MLLT10: variants seen among roughly 807,000 people sequenced by gnomAD.
MLLT10 encodes MLLT10 histone lysine methyltransferase DOT1L cofactor.
A neutral mutation model predicts 129.1 loss-of-function variants in MLLT10; 30 were observed. That is an observed-to-expected ratio of 0.23 (90% CI 0.17 to 0.32). MLLT10 has a LOEUF of 0.32. Ranked by LOEUF, MLLT10 falls within the 10% of genes least tolerant of loss-of-function variation. MLLT10 has a pLI of 1.00. For synonymous variants in MLLT10, 490 were observed against 446.4 expected (o/e 1.10, Z -1.23); for missense variants, 1,119 against 1,268.3 (o/e 0.88, Z 1.79).
At chr10:21,689,065 G>A (rs1016478982) in intron 13 of MLLT10, among the ~76,000 whole-genome samples, 1 of 152,050 alleles carries the variant, frequency 6.6e-6, no homozygotes, top group African/African-American at 2.4e-5. Flanking sequence ...TTTTTAACAT[G>A]CTGATAAAGC....
chr10:21,717,005 C>G (rs2056613530), intron 14 of MLLT10, among the ~76,000 whole-genome samples: 1 of 151,828 alleles, frequency 6.6e-6, no homozygotes, highest in African/African-American at 2.4e-5. Context: ...ACCTGTAATC[C>G]CAGCACTTTG....
chr10:21,733,308 T>G (rs1292838146), intron 18 of MLLT10, among the ~76,000 whole-genome samples, 196 bp from the exon 19 acceptor site: 1 of 152,214 alleles, frequency 6.6e-6, no homozygotes, highest in Non-Finnish European at 1.5e-5. Flanking sequence ...TCTAATGATC[T>G]CGTTATTGAT....
rs934434232 is a variant in MLLT10, at chr10:21,534,317, C to G, written c.-204C>G. ...CTGGCCCAGCGGGAGCCCCCCCTCC[C>G]CCCAGTGCGCCTGTGCGGAGGCCCT... On this transcript the variant is annotated 5_prime_UTR_variant, in exon 1 of 23. Coordinates refer to ENST00000307729, the MANE Select transcript of MLLT10 (RefSeq NM_001195626.3). 2.5e-6 allele frequency: 1 copy of G among 394,976 alleles called. No homozygotes were observed. The highest frequency in any genetic ancestry group is 2.1e-5 in the African/African-American group (1 of 48,434). 24.5% of individuals were successfully genotyped at this position (394,976 alleles called of 1,614,324 possible).
intron 4 of MLLT10, among the ~76,000 whole-genome samples, 169 bp from the exon 5 acceptor site, chr10:21,595,162 G>C (rs1032704444): frequency 1.3e-5 from 2 of 152,034 alleles, no homozygotes; most frequent in Non-Finnish European, 2.9e-5. Flanking sequence ...TTTTTTGGTA[G>C]TGGTTTGAGT....
At chr10:21,557,254 A>G (rs1050843214) in intron 3 of MLLT10, 1 of 943,278 alleles carries the variant, frequency 1.1e-6, no homozygotes. Flanking sequence ...ATTATAAGTA[A>G]TAGTTTATGA....
chr10:21,660,665 G>A (rs2050094035), intron 9 of MLLT10, among the ~76,000 whole-genome samples: 1 of 147,880 alleles, frequency 6.8e-6, no homozygotes. Context: ...CCTGAGGTCA[G>A]GAGTTCAAGA....
At chr10:21,534,976 C>T (rs1342792940) in intron 2 of MLLT10, among the ~76,000 whole-genome samples, 172 bp downstream of exon 2, 2 of 149,422 alleles carry the variant, frequency 1.3e-5, no homozygotes, top group Admixed American at 6.7e-5. Context: ...GGAGAAAGTG[C>T]GTGTGGCCCG....
chr10:21,717,640 T>TCTCCTCCTCCTC (rs2056751009), intron 14 of MLLT10, among the ~76,000 whole-genome samples: 1 of 36,502 alleles, frequency 2.7e-5, no homozygotes, highest in Non-Finnish European at 5.3e-5. Context: ...TCCTCCTCCT[T>TCTCCTCCTCCTC]TTCCTCCTCC....
intron 3 of MLLT10, among the ~76,000 whole-genome samples, chr10:21,539,412 CTTTTTTT>C (rs370995933): frequency 1.7e-5 from 2 of 120,714 alleles, no homozygotes; most frequent in East Asian, 2.4e-4. Flanking sequence ...ACATAAAAAT[CTTTTTTT>C]TTTTTTTTTT....
At position 21,711,451 on chromosome 10, in the gene MLLT10, G is replaced by C. The variant is rs552016633; in HGVS notation, c.1700-2321G>C. On this transcript the variant is annotated intron_variant, in intron 13 of 22. Coordinates refer to ENST00000307729, the MANE Select transcript of MLLT10 (RefSeq NM_001195626.3). ...AAGAAACTAGCTTGAGGCTGGGCAT[G>C]GTGGCTCATGCGTGTGATGCCAGCA... 9.2e-5 allele frequency among the ~76,000 whole-genome samples: 14 copies of C among 151,966 alleles called. No individual in the cohort carries two copies. In the East Asian group the frequency reaches 2.5e-3, roughly 27 times the overall value.
At chr10:21,664,320 G>GTT (rs765181898) in intron 9 of MLLT10, among the ~76,000 whole-genome samples, 5 of 136,196 alleles carry the variant, frequency 3.7e-5, no homozygotes, top group Admixed American at 7.2e-5. Flanking sequence ...TTGTTTGTTT[G>GTT]TTTTTTTTTT....
Position 21,542,479 on chromosome 10 carries a change from A to C in MLLT10, c.240+3567A>C, listed in dbSNP as rs570714398. Among the ~76,000 whole-genome samples, 3 of 152,342 alleles carry C rather than the reference A, an allele frequency of 2.0e-5. No homozygotes were observed. The East Asian group carries it at 5.8e-4, about 29-fold the overall frequency. On this transcript the variant is annotated intron_variant, in intron 3 of 22. Coordinates refer to ENST00000307729, the MANE Select transcript of MLLT10 (RefSeq NM_001195626.3). The stretch of plus-strand genomic sequence containing the variant: ...CAGCTACTCGGGAGACTGAAGCAGG[A>C]GATCCGCCCGAACCCGGGAGGCAGA...
At chr10:21,734,948 T>C (rs986867757) in intron 20 of MLLT10, among the ~76,000 whole-genome samples, 191 bp from the exon 21 acceptor site, 1 of 152,242 alleles carries the variant, frequency 6.6e-6, no homozygotes, top group Non-Finnish European at 1.5e-5. Context: ...AATTCTTGTT[T>C]AGCTGTACAC....
At chr10:21,664,179 A>G (rs779623277) in intron 9 of MLLT10, among the ~76,000 whole-genome samples, 1 of 152,022 alleles carries the variant, frequency 6.6e-6, no homozygotes, top group Non-Finnish European at 1.5e-5. Context: ...TTGGATATTC[A>G]CTTTGTTACT....
chr10:21,647,061 T>G (rs778800189), intron 8 of MLLT10, among the ~76,000 whole-genome samples: 1 of 152,170 alleles, frequency 6.6e-6, no homozygotes, highest in Non-Finnish European at 1.5e-5. Context: ...TTTCACCGTC[T>G]TAGCCAGGAT....
At chr10:21,684,109 C>G (rs2053033755) in intron 13 of MLLT10, among the ~76,000 whole-genome samples, 1 of 152,118 alleles carries the variant, frequency 6.6e-6, no homozygotes. Flanking sequence ...CTCCTGGTCT[C>G]AAGTGATCCT....
chr10:21,565,945 CTTTT>C (rs1204388391), intron 3 of MLLT10, among the ~76,000 whole-genome samples: 20 of 79,380 alleles, frequency 2.5e-4, no homozygotes, highest in Non-Finnish European at 3.8e-4. Flanking sequence ...CAATCTTTGG[CTTTT>C]TTTTTTTTTT....
chr10:21,678,265 C>G (rs1422525982), intron 11 of MLLT10, among the ~76,000 whole-genome samples: 1 of 152,046 alleles, frequency 6.6e-6, no homozygotes, highest in Non-Finnish European at 1.5e-5. Context: ...CCACCACACT[C>G]AGCTAATTTT....
intron 3 of MLLT10, among the ~76,000 whole-genome samples, chr10:21,585,305 A>G (rs1458639280): frequency 2.6e-5 from 4 of 152,148 alleles, no homozygotes; most frequent in Non-Finnish European, 5.9e-5. Flanking sequence ...ACTTTCAGGA[A>G]CATATTCTTC....
Sources: gnomAD v4.1 joint callset for allele counts (sites outside exome capture counted in the v4.1 genomes callset) on GRCh38, gnomAD v4.1.1 for gene constraint, MANE v1.5 for transcripts, NCBI Gene and HGNC (gene_info 2026-07-23, HGNC 2026-07-21) for gene names.